Variants in CCSER1 observed in about 807,000 individuals in gnomAD.
The protein encoded by CCSER1 is coiled-coil serine rich protein 1.
In CCSER1, 41 loss-of-function variants were observed where a neutral mutation model predicts 82.0. The ratio of observed to expected loss-of-function variants is 0.50; its 90% confidence interval spans 0.39 to 0.65. The LOEUF (loss-of-function observed/expected upper bound fraction) is 0.65. Ranked by LOEUF, CCSER1 falls within the 30% of genes least tolerant of loss-of-function variation. The pLI is 0.00. For missense variants in CCSER1, 1,119 were observed against 1,064.2 expected, an observed-to-expected ratio of 1.05 and a Z score of -0.72; for synonymous variants, 414 against 383.9, an observed-to-expected ratio of 1.08 and a Z score of -0.92.
chr4:91,192,740 AT>A (rs1158766513), intron 10 of CCSER1, among the ~76,000 whole-genome samples: 4 of 151,972 alleles, frequency 2.6e-5, no homozygotes, highest in Non-Finnish European at 1.5e-5. Context: ...AGCTGTGCTG[AT>A]TTTTTTTCCT....
intron 5 of CCSER1, among the ~76,000 whole-genome samples, chr4:90,624,511 A>C (rs1371638241): frequency 6.6e-6 from 1 of 152,230 alleles, no homozygotes; most frequent in Non-Finnish European, 1.5e-5. Flanking sequence ...CTTGTCTGCC[A>C]TACTGACGAG....
intron 6 of CCSER1, chr4:90,683,131 G>A (rs904524888): frequency 6.6e-6 from 1 of 152,050 alleles, no homozygotes; most frequent in Non-Finnish European, 1.5e-5. Flanking sequence ...AGAGTACGAA[G>A]ATGAAATAAT....
At chr4:90,205,191 T>C (rs909497148) in intron 1 of CCSER1, among the ~76,000 whole-genome samples, 1 of 152,234 alleles carries the variant, frequency 6.6e-6, no homozygotes, top group Non-Finnish European at 1.5e-5. Flanking sequence ...TATTTCTTTC[T>C]CTTGCCTGAT....
intron 5 of CCSER1, among the ~76,000 whole-genome samples, chr4:90,586,223 C>A (rs1782002172): frequency 6.6e-6 from 1 of 152,094 alleles, no homozygotes; most frequent in Non-Finnish European, 1.5e-5. Context: ...ACCTAGGTTG[C>A]GTGCTCCTTG....
At chr4:90,456,460 A>G (rs1427650452) in intron 4 of CCSER1, among the ~76,000 whole-genome samples, 1 of 152,174 alleles carries the variant, frequency 6.6e-6, no homozygotes, top group Non-Finnish European at 1.5e-5. Context: ...TAGTGCTGAC[A>G]CCCTAACAGG....
intron 10 of CCSER1, among the ~76,000 whole-genome samples, chr4:91,163,805 T>C (rs2148984119): frequency 6.6e-6 from 1 of 152,300 alleles, no homozygotes; most frequent in Admixed American, 6.5e-5. Flanking sequence ...TCTATCCCTT[T>C]ATTTTGAGCC....
intron 1 of CCSER1, among the ~76,000 whole-genome samples, chr4:90,262,392 A>G (rs927717667): frequency 6.6e-6 from 1 of 152,022 alleles, no homozygotes; most frequent in African/African-American, 2.4e-5. Flanking sequence ...TTAGCTGCTC[A>G]TTGTATTAGT....
intron 5 of CCSER1, among the ~76,000 whole-genome samples, chr4:90,587,132 A>G (rs7655624): frequency 0.094 from 14,330 of 152,272 alleles, 1,941 homozygotes; most frequent in African/African-American, 0.3. Context: ...TGTGCGGAGC[A>G]TCGAGAAGTT....
At chr4:91,191,807 C>T (rs1279309517) in intron 10 of CCSER1, among the ~76,000 whole-genome samples, 2 of 152,122 alleles carry the variant, frequency 1.3e-5, no homozygotes, top group African/African-American at 4.8e-5. Context: ...TGTGCGTGGC[C>T]CTGAACTGGT....
chr4:90,394,124 C>T (rs368485830), intron 3 of CCSER1, among the ~76,000 whole-genome samples: 1 of 148,448 alleles, frequency 6.7e-6, no homozygotes, highest in Non-Finnish European at 1.5e-5. Flanking sequence ...AATTCTGTAG[C>T]TTCAGAAATT....
intron 10 of CCSER1, among the ~76,000 whole-genome samples, chr4:91,306,059 T>TGTGTG (rs1745048983): frequency 7.2e-6 from 1 of 139,538 alleles, no homozygotes; most frequent in East Asian, 2.2e-4. Context: ...ATCAGTGTGT[T>TGTGTG]TGTGTGTGTG....
At chr4:90,794,342 T>G (rs1395832735) in intron 7 of CCSER1, among the ~76,000 whole-genome samples, 1 of 152,160 alleles carries the variant, frequency 6.6e-6, no homozygotes, top group Non-Finnish European at 1.5e-5. Flanking sequence ...TTTTTGTATA[T>G]GATGTAAGGA....
chr4:91,187,307 A>G (rs992378888), intron 10 of CCSER1, among the ~76,000 whole-genome samples: 1 of 152,194 alleles, frequency 6.6e-6, no homozygotes, highest in Non-Finnish European at 1.5e-5. Flanking sequence ...TAGTTTTCTT[A>G]CTGAATACAT....
chr4:91,491,257 G>A, intron 10 of CCSER1, among the ~76,000 whole-genome samples: 1 of 151,874 alleles, frequency 6.6e-6, no homozygotes, highest in East Asian at 2.0e-4. Flanking sequence ...AATCTAGACT[G>A]GCCAAGCTCC....
At chr4:90,632,481 A>G (rs1205054165) in intron 6 of CCSER1, among the ~76,000 whole-genome samples, 2 of 151,910 alleles carry the variant, frequency 1.3e-5, no homozygotes. Context: ...AATATATAAT[A>G]TATACTTTCA....
chr4:90,543,472 A>T (rs1159055594), intron 5 of CCSER1, among the ~76,000 whole-genome samples: 2 of 152,208 alleles, frequency 1.3e-5, no homozygotes, highest in Non-Finnish European at 2.9e-5. Context: ...GCAACCAATG[A>T]AAATAAGCAT....
chr4:91,589,216 A>G (rs555484068), intron 10 of CCSER1, among the ~76,000 whole-genome samples: 1 of 151,872 alleles, frequency 6.6e-6, no homozygotes, highest in African/African-American at 2.4e-5. Flanking sequence ...CGTTACTTTT[A>G]GAAGTTTCCA....
chr4:90,369,650 T>A (rs952298335), intron 3 of CCSER1, among the ~76,000 whole-genome samples: 1 of 152,090 alleles, frequency 6.6e-6, no homozygotes, highest in South Asian at 2.1e-4. Flanking sequence ...TGTACTAATA[T>A]AAATGTATCT....
intron 3 of CCSER1, among the ~76,000 whole-genome samples, chr4:90,331,771 C>T (rs1318418101): frequency 6.6e-6 from 1 of 151,242 alleles, no homozygotes; most frequent in East Asian, 1.9e-4. Context: ...TTGTGGACTA[C>T]CATGAGCCAG....
Sources: gnomAD v4.1 joint callset for allele counts (sites outside exome capture counted in the v4.1 genomes callset) on GRCh38, gnomAD v4.1.1 for gene constraint, MANE v1.5 for transcripts, NCBI Gene and HGNC (gene_info 2026-07-23, HGNC 2026-07-21) for gene names.